XYLB: variants seen among roughly 807,000 people sequenced by gnomAD.
XYLB encodes the protein xylulose kinase.
In XYLB, 62 loss-of-function variants were observed where a neutral mutation model predicts 78.7. That is an observed-to-expected ratio of 0.79 (90% CI 0.64 to 0.97). The LOEUF (loss-of-function observed/expected upper bound fraction) is 0.97, where lower values mean the gene tolerates loss of function less well. Among genes scored for constraint, XYLB ranks in the 50% least tolerant of loss-of-function variants. The pLI, the probability that XYLB is intolerant of heterozygous loss-of-function variation, is 0.00. For synonymous variants in XYLB, 245 were observed against 247.4 expected (o/e 0.99, Z 0.09); for missense variants, 687 against 676.8 (o/e 1.02, Z -0.17).
Position 38,346,843 on chromosome 3 carries a change from G to C in XYLB, c.-26G>C. ...CCGCGTGGCGGACGGACGGACTGAC[G>C]GACGCGCAGCCTTACCCGAAAGGCC... On this transcript the variant is annotated 5_prime_UTR_variant, in exon 1 of 19. Transcript: ENST00000207870. 1 of 1,496,642 alleles carries C rather than the reference G, an allele frequency of 6.7e-7. No homozygotes were observed. The highest frequency in any genetic ancestry group is 8.9e-7 in the Non-Finnish European group (1 of 1,123,920). The allele number at this position is 1,496,642 out of a possible 1,614,324, so 92.7% of individuals were successfully genotyped here. A position where few individuals can be genotyped will look rare whatever the true frequency, so the allele number is the denominator to read the frequency against.
the XYLB span, among the ~76,000 whole-genome samples, chr3:38,436,418 A>C: frequency 6.6e-6 from 1 of 152,232 alleles, no homozygotes; most frequent in Non-Finnish European, 1.5e-5. Flanking sequence ...AACAAGATTG[A>C]AACAGTAATA....
the XYLB span, among the ~76,000 whole-genome samples, chr3:38,439,756 C>G: frequency 8.3e-6 from 1 of 120,148 alleles, no homozygotes; most frequent in Non-Finnish European, 1.9e-5. Context: ...AGTGAGACTC[C>G]GTCTCAAAAA....
chr3:38,399,065 C>A (rs916359382), intron 17 of XYLB, among the ~76,000 whole-genome samples: 3 of 151,636 alleles, frequency 2.0e-5, no homozygotes, highest in African/African-American at 4.9e-5. Context: ...CAAAAAAAAA[C>A]AAACTTCTTC....
chr3:38,421,620 A>T (rs183278174), downstream of XYLB, among the ~76,000 whole-genome samples: 1 of 152,276 alleles, frequency 6.6e-6, no homozygotes, highest in African/African-American at 2.4e-5. Flanking sequence ...GGTGTTGGGG[A>T]TATTCCTATA....
chr3:38,400,925 G>A lies in XYLB; in HGVS notation c.1473G>A (p.Glu491=), dbSNP rs1386458612. 1 of 1,614,058 alleles carries A rather than the reference G, an allele frequency of 6.2e-7. No homozygotes were observed. The highest frequency in any genetic ancestry group is 1.3e-5 in the African/African-American group (1 of 74,926). ...LAGGTDVPFS[E]VVKLAPNPRL... is the part of the protein sequence containing the mutation. ...GTGGAACAGATGTGCCCTTTTCAGA[G>A]GTTGTGAAGTTAGCTCCAAATCCCA... Residue 491 remains glutamate (E), a synonymous_variant, in exon 18 of 19, where the codon GAG becomes GAA. Coordinates refer to ENST00000207870, the MANE Select transcript of XYLB (RefSeq NM_005108.4).
chr3:38,374,879 A>G (rs1466813332), intron 11 of XYLB, among the ~76,000 whole-genome samples: 1 of 152,302 alleles, frequency 6.6e-6, no homozygotes, highest in African/African-American at 2.4e-5. Context: ...CATATGGGGA[A>G]CCAGCCATCA....
chr3:38,433,931 C>T, the XYLB span, among the ~76,000 whole-genome samples: 9 of 152,202 alleles, frequency 5.9e-5, no homozygotes, highest in South Asian at 4.1e-4. Context: ...AATAAATACC[C>T]GAGACTAGGT....
the XYLB span, among the ~76,000 whole-genome samples, chr3:38,439,761 CAAAA>C: frequency 7.3e-6 from 1 of 136,318 alleles, no homozygotes; most frequent in Non-Finnish European, 1.6e-5. Flanking sequence ...GACTCCGTCT[CAAAA>C]AAAAAAAAAA....
chr3:38,432,103 C>T, the XYLB span, among the ~76,000 whole-genome samples: 1 of 105,334 alleles, frequency 9.5e-6, no homozygotes, highest in Non-Finnish European at 1.9e-5. Context: ...CACATCATTC[C>T]ACCCTGGCAC....
intron 6 of XYLB, among the ~76,000 whole-genome samples, 160 bp from the exon 7 acceptor site, chr3:38,366,648 A>T (rs1196137202): frequency 6.6e-6 from 1 of 152,216 alleles, no homozygotes; most frequent in Non-Finnish European, 1.5e-5. Context: ...AGTAGCTGGG[A>T]TTACAAGCGC....
chr3:38,409,308 C>T (rs1708472013), intron 18 of XYLB, among the ~76,000 whole-genome samples: 1 of 152,164 alleles, frequency 6.6e-6, no homozygotes. Context: ...TCAATAGATG[C>T]AGAAAAGGCC....
chr3:38,395,462 G>A (rs780610253), intron 15 of XYLB, 43 bp from the exon 16 acceptor site: 3 of 1,603,110 alleles, frequency 1.9e-6, no homozygotes, highest in Admixed American at 3.3e-5. Flanking sequence ...TCTGCCTTGG[G>A]AGAACTGGCA....
rs747677762 is a variant in XYLB at position 38,376,935 on chromosome 3, A to C, written c.1138A>C (p.Met380Leu). ...GGNLGFYFDVMEITPEIIGRH... is the reference protein window; with the variant it reads ...GGNLGFYFDVLEITPEIIGRH... ...TATTTCAGGTTTTTATTTTGATGTA[A>C]TGGAGATCACCCCTGAAATTATTGG... is the stretch of plus-strand genomic sequence containing the variant. Residue 380 changes from methionine to leucine, a missense_variant, in exon 14 of 19, where the codon ATG (methionine) becomes CTG (leucine). Coordinates refer to ENST00000207870, the MANE Select transcript of XYLB (RefSeq NM_005108.4). 5 of 1,613,944 alleles carry C rather than the reference A, an allele frequency of 3.1e-6. No individual in the cohort carries two copies. Among genetic ancestry groups the C allele is most frequent in the Non-Finnish European group, 4.2e-6 (5 of 1,179,904 alleles).
the XYLB span, chr3:38,451,207 AG>A: frequency 6.6e-6 from 1 of 152,230 alleles, no homozygotes; most frequent in Non-Finnish European, 1.5e-5. Flanking sequence ...TGAGGGGCCC[AG>A]CATCTAGTGC....
At chr3:38,439,045 AAGAC>A in the XYLB span, among the ~76,000 whole-genome samples, 3 of 152,158 alleles carry the variant, frequency 2.0e-5, no homozygotes, top group African/African-American at 7.2e-5. Flanking sequence ...ATCCTCTTGT[AAGAC>A]AGAAAATTTC....
chr3:38,424,396 C>T (rs759223667), downstream of XYLB, among the ~76,000 whole-genome samples: 1 of 152,180 alleles, frequency 6.6e-6, no homozygotes, highest in Non-Finnish European at 1.5e-5. Context: ...TACAAAAAGC[C>T]TTTATAAATA....
At chr3:38,437,539 C>A in the XYLB span, among the ~76,000 whole-genome samples, 1 of 152,136 alleles carries the variant, frequency 6.6e-6, no homozygotes, top group Non-Finnish European at 1.5e-5. Context: ...CTAAAAAACT[C>A]TTAGATTTGA....
chr3:38,349,147 C>T (rs1299445504), intron 2 of XYLB, among the ~76,000 whole-genome samples: 1 of 152,144 alleles, frequency 6.6e-6, no homozygotes, highest in Non-Finnish European at 1.5e-5. Context: ...GGGAAGTTGG[C>T]CAGGTGATGG....
chr3:38,418,797 C>T (rs1461987546), downstream of XYLB, among the ~76,000 whole-genome samples: 1 of 152,052 alleles, frequency 6.6e-6, no homozygotes, highest in Non-Finnish European at 1.5e-5. Flanking sequence ...ACATTTATCA[C>T]TTTAACCATG....
Sources: gnomAD v4.1 joint callset for allele counts (sites outside exome capture counted in the v4.1 genomes callset) on GRCh38, gnomAD v4.1.1 for gene constraint, MANE v1.5 for transcripts, NCBI Gene and HGNC (gene_info 2026-07-23, HGNC 2026-07-21) for gene names.